Variants in SLC25A48 observed in about 807,000 individuals in gnomAD.
SLC25A48 encodes the protein CTC-321K16.1.
SLC25A48 carries 29 observed loss-of-function variants against 32.2 expected under a neutral mutation model. The observed-to-expected ratio is 0.90, with a 90% CI of 0.67 to 1.23. The LOEUF is 1.23. Ranked by LOEUF, SLC25A48 falls within the 50% of genes most tolerant of loss-of-function variation. SLC25A48 has a pLI of 0.00. For missense variants in SLC25A48, 399 were observed against 422.7 expected (o/e 0.94, Z 0.49); for synonymous variants, 164 against 172.3 (o/e 0.95, Z 0.38).
At chr5:135,579,927 C>T (rs1751195432) in intron 1 of SLC25A48, among the ~76,000 whole-genome samples, 1 of 152,216 alleles carries the variant, frequency 6.6e-6, no homozygotes, top group African/African-American at 2.4e-5. Flanking sequence ...CTTTACCGCT[C>T]TCAGCTTTTG....
rs4392613 is a variant in SLC25A48, at chr5:135,756,623, A to G, written c.-520-55900A>G. Among the ~76,000 whole-genome samples the G allele has an allele frequency of 6.7e-3, 1,025 of 152,082 alleles. 8 individuals carry two copies. Among genetic ancestry groups the G allele is most frequent in the Non-Finnish European group, 0.012 (805 of 67,970 alleles). On this transcript the variant is annotated intron_variant, in intron 3 of 10. Coordinates refer to the SLC25A48 transcript ENST00000646290. The stretch of plus-strand genomic sequence containing the variant: ...GAGGCGAAGGTTGCAGTGAGCTGAG[A>G]TTATGCCATTGCACTCCAGCCTGGG...
chr5:135,593,594 C>T (rs1439323921), intron 1 of SLC25A48, among the ~76,000 whole-genome samples: 1 of 152,204 alleles, frequency 6.6e-6, no homozygotes, highest in Non-Finnish European at 1.5e-5. Context: ...TCCCAGGAGG[C>T]AGATGGAGGA....
chr5:135,723,572 T>C (rs1422202165), intron 3 of SLC25A48, among the ~76,000 whole-genome samples: 1 of 149,304 alleles, frequency 6.7e-6, no homozygotes, highest in Admixed American at 6.7e-5. Flanking sequence ...AAAACCACAC[T>C]GTAAAACCAT....
intron 3 of SLC25A48, among the ~76,000 whole-genome samples, chr5:135,778,846 C>A (rs542064336): frequency 1.9e-4 from 1 of 5,308 alleles, no homozygotes; most frequent in Non-Finnish European, 7.0e-4. Context: ...CACACCCCCC[C>A]CGCCCCGCCG....
chr5:135,582,271 G>A (rs1449455676), intron 1 of SLC25A48, among the ~76,000 whole-genome samples: 2 of 152,172 alleles, frequency 1.3e-5, no homozygotes. Context: ...GAGGTGCTGG[G>A]GGTTTGAGGT....
chr5:135,850,809 A>C (rs1183443078), intron 3 of SLC25A48, among the ~76,000 whole-genome samples: 2 of 152,220 alleles, frequency 1.3e-5, no homozygotes. Flanking sequence ...AGTTTTTCAC[A>C]AAGGAATGAG....
intron 3 of SLC25A48, among the ~76,000 whole-genome samples, chr5:135,713,722 C>T (rs1754727627): frequency 6.6e-6 from 1 of 152,184 alleles, no homozygotes; most frequent in African/African-American, 2.4e-5. Flanking sequence ...CTCCCTCCCC[C>T]ATCATATTTC....
At chr5:135,700,532 C>G (rs1754370377) in intron 3 of SLC25A48, among the ~76,000 whole-genome samples, 1 of 152,204 alleles carries the variant, frequency 6.6e-6, no homozygotes, top group Non-Finnish European at 1.5e-5. Flanking sequence ...GCCTCTAGAG[C>G]CCATCTCTGG....
intron 4 of SLC25A48, among the ~76,000 whole-genome samples, chr5:135,858,379 AG>A (rs1409746748): frequency 6.6e-6 from 1 of 152,226 alleles, no homozygotes; most frequent in Non-Finnish European, 1.5e-5. Flanking sequence ...GGAGAGTAAA[AG>A]CCAAGATTGG....
At chr5:135,609,862 T>G (rs1379148163) in intron 1 of SLC25A48, 1 of 152,310 alleles carries the variant, frequency 6.6e-6, no homozygotes, top group Non-Finnish European at 1.5e-5. Flanking sequence ...AAATTAGTGG[T>G]TATAGGTAAA....
chr5:135,757,429 T>C (rs1755942640), intron 3 of SLC25A48, among the ~76,000 whole-genome samples: 1 of 149,338 alleles, frequency 6.7e-6, no homozygotes, highest in African/African-American at 2.4e-5. Context: ...ATTGATAAAA[T>C]ATCATCTATA....
chr5:135,613,719 C>T (rs991678886), intron 1 of SLC25A48, among the ~76,000 whole-genome samples: 2 of 152,128 alleles, frequency 1.3e-5, no homozygotes, highest in East Asian at 3.8e-4. Context: ...AGTGTATGCC[C>T]TTGGCACCTT....
At chr5:135,794,276 G>A (rs1561496228) in intron 3 of SLC25A48, among the ~76,000 whole-genome samples, 1 of 151,238 alleles carries the variant, frequency 6.6e-6, no homozygotes, top group Non-Finnish European at 1.5e-5. Context: ...AATATTGCGG[G>A]GGATATCCTT....
At chr5:135,656,810 T>A (rs900637534) in intron 3 of SLC25A48, among the ~76,000 whole-genome samples, 2 of 152,148 alleles carry the variant, frequency 1.3e-5, no homozygotes, top group Non-Finnish European at 2.9e-5. Flanking sequence ...GGACTGCCAC[T>A]GCCAGCAAAA....
chr5:135,682,352 A>G (rs1404511730), intron 3 of SLC25A48, among the ~76,000 whole-genome samples: 1 of 152,112 alleles, frequency 6.6e-6, no homozygotes, highest in Non-Finnish European at 1.5e-5. Context: ...CCTCTTACTC[A>G]TCATTCCTAG....
chr5:135,836,348 A>C (rs542904747), intron 1 of SLC25A48, among the ~76,000 whole-genome samples: 63 of 115,148 alleles, frequency 5.5e-4, no homozygotes, highest in African/African-American at 1.9e-3. Context: ...GCACCAAACT[A>C]ATAACATGGC....
At chr5:135,871,741 C>T (rs945861213) in intron 5 of SLC25A48, 23 bp downstream of exon 5, 1 of 1,611,684 alleles carries the variant, frequency 6.2e-7, no homozygotes, top group East Asian at 2.2e-5. Flanking sequence ...GCAGCTGGAG[C>T]CGCACCCCTG....
At chr5:135,634,627 T>C (rs577716287) in intron 2 of SLC25A48, 1 of 152,376 alleles carries the variant, frequency 6.6e-6, no homozygotes, top group South Asian at 2.1e-4. Context: ...TTCAGTGTTG[T>C]CCTGGGTGGA....
chr5:135,822,070 A>G (rs1757903878), intron 4 of SLC25A48: 1 of 152,216 alleles, frequency 6.6e-6, no homozygotes, highest in African/African-American at 2.4e-5. Flanking sequence ...GGAAAGAATG[A>G]GCTGTGGGAG....
Sources: allele counts gnomAD v4.1 joint callset (sites outside exome capture counted in the v4.1 genomes callset), GRCh38; gene constraint gnomAD v4.1.1; transcripts MANE v1.5; gene names NCBI Gene and HGNC (gene_info 2026-07-23, HGNC 2026-07-21).